Variants in KHDRBS3 observed in about 807,000 individuals in gnomAD.
KHDRBS3 encodes the protein KH RNA binding domain containing, signal transduction associated 3.
In KHDRBS3, 23 loss-of-function variants were observed where a neutral mutation model predicts 45.6. That is an observed-to-expected ratio of 0.50 (90% CI 0.36 to 0.72). KHDRBS3 has a LOEUF of 0.72. Among genes scored for constraint, KHDRBS3 ranks in the 30% least tolerant of loss-of-function variants. The pLI, the probability that KHDRBS3 is intolerant of heterozygous loss-of-function variation, is 0.00. For missense variants in KHDRBS3, 352 were observed against 424.8 expected, an observed-to-expected ratio of 0.83 and a Z score of 1.51; for synonymous variants, 162 against 156.5, an observed-to-expected ratio of 1.04 and a Z score of -0.26.
At chr8:135,542,543 A>G (rs1450672623) in intron 2 of KHDRBS3, 111 bp from the exon 3 acceptor site, 2 of 688,868 alleles carry the variant, frequency 2.9e-6, no homozygotes, top group East Asian at 2.5e-5. Flanking sequence ...GAGCTTAAAT[A>G]TTTGCCATTA....
At chr8:135,527,790 T>C (rs1825268180) in intron 2 of KHDRBS3, among the ~76,000 whole-genome samples, 1 of 152,130 alleles carries the variant, frequency 6.6e-6, no homozygotes, top group Admixed American at 6.6e-5. Context: ...ATACAGAAAA[T>C]CCAGAATCCA....
chr8:135,524,798 A>AT (rs1210640328), intron 2 of KHDRBS3, among the ~76,000 whole-genome samples: 5 of 151,806 alleles, frequency 3.3e-5, no homozygotes, highest in Non-Finnish European at 5.9e-5. Context: ...CCACCAAGTA[A>AT]TTTTTTTATA....
intron 5 of KHDRBS3, among the ~76,000 whole-genome samples, chr8:135,581,285 T>C (rs1033104590): frequency 6.6e-6 from 1 of 152,256 alleles, no homozygotes; most frequent in African/African-American, 2.4e-5. Flanking sequence ...TGAAGTCTTA[T>C]GATTTACATT....
At chr8:135,555,260 T>G (rs1227740727) in intron 4 of KHDRBS3, among the ~76,000 whole-genome samples, 1 of 152,182 alleles carries the variant, frequency 6.6e-6, no homozygotes, top group Non-Finnish European at 1.5e-5. Context: ...TCACTCCTTA[T>G]GTTTTCATCA....
intron 1 of KHDRBS3, among the ~76,000 whole-genome samples, chr8:135,507,327 A>G (rs188116856): frequency 7.9e-5 from 12 of 152,346 alleles, no homozygotes; most frequent in South Asian, 2.1e-4. Context: ...TAGTCAAAGT[A>G]AAGGTCTGTA....
chr8:135,626,101 CAT>C, intron 7 of KHDRBS3: 2 of 505,452 alleles, frequency 4.0e-6, no homozygotes, highest in Non-Finnish European at 7.1e-6. Flanking sequence ...AATAAGGACT[CAT>C]TTAAAAAGGA....
chr8:135,463,998 G>A (rs887537704), intron 1 of KHDRBS3, among the ~76,000 whole-genome samples: 10 of 152,088 alleles, frequency 6.6e-5, no homozygotes, highest in South Asian at 2.1e-4. Flanking sequence ...TATTCCCTGC[G>A]TGCCTCCTTT....
At chr8:135,610,677 G>T (rs1280343242) in intron 7 of KHDRBS3, among the ~76,000 whole-genome samples, 1 of 151,876 alleles carries the variant, frequency 6.6e-6, no homozygotes, top group Non-Finnish European at 1.5e-5. Flanking sequence ...TGGGAATACT[G>T]TGGACATTTA....
chr8:135,469,522 GGTTTTTTTTTTTTTTTTTTTT>G (rs1821888768), intron 1 of KHDRBS3, among the ~76,000 whole-genome samples: 1 of 20,784 alleles, frequency 4.8e-5, no homozygotes. Flanking sequence ...TTTTTGTTTT[GGTTTTTTTTTTTTTTTTTTTT>G]TTTTGAGACG....
intron 5 of KHDRBS3, among the ~76,000 whole-genome samples, chr8:135,580,433 A>G (rs758965226): frequency 3.9e-5 from 6 of 152,210 alleles, no homozygotes; most frequent in Non-Finnish European, 7.3e-5. Context: ...AATAGACATA[A>G]GCCCATTCAG....
intron 4 of KHDRBS3, among the ~76,000 whole-genome samples, chr8:135,653,669 A>T (rs1490143935): frequency 6.6e-6 from 1 of 152,170 alleles, no homozygotes; most frequent in Non-Finnish European, 1.5e-5. Context: ...ATTCAGCCCA[A>T]CCGTATGCTA....
chr8:135,600,112 C>T (rs1829142639), intron 6 of KHDRBS3, among the ~76,000 whole-genome samples: 2 of 152,152 alleles, frequency 1.3e-5, no homozygotes, highest in Non-Finnish European at 2.9e-5. Context: ...GGGTGAGTTG[C>T]TGAGGGCAGA....
At chr8:135,579,535 C>T (rs565994049) in intron 5 of KHDRBS3, among the ~76,000 whole-genome samples, 21 of 152,244 alleles carry the variant, frequency 1.4e-4, no homozygotes, top group Admixed American at 2.6e-4. Context: ...CGGGGTTTCA[C>T]CATGTTGGCC....
chr8:135,521,443 GA>G (rs1824904379), intron 2 of KHDRBS3, 88 bp downstream of exon 2: 2 of 757,090 alleles, frequency 2.6e-6, no homozygotes, highest in Non-Finnish European at 4.4e-6. Context: ...GGTGTTTTTA[GA>G]GATGTTTTCT....
At chr8:135,561,173 A>C (rs991409075) in intron 5 of KHDRBS3, among the ~76,000 whole-genome samples, 1 of 152,106 alleles carries the variant, frequency 6.6e-6, no homozygotes, top group Non-Finnish European at 1.5e-5. Context: ...GTATTCTTCT[A>C]TATCTTTGCT....
chr8:135,574,480 T>C (rs1475472643), intron 5 of KHDRBS3, among the ~76,000 whole-genome samples: 2 of 152,178 alleles, frequency 1.3e-5, no homozygotes, highest in Non-Finnish European at 2.9e-5. Context: ...ACAATGTCAA[T>C]GATCGTGGAA....
At chr8:135,487,138 TTAAC>T (rs1385487870) in intron 1 of KHDRBS3, among the ~76,000 whole-genome samples, 8 of 152,346 alleles carry the variant, frequency 5.3e-5, no homozygotes, top group African/African-American at 1.9e-4. Flanking sequence ...CCATTTGTAT[TTAAC>T]ATTACATGTA....
chr8:135,485,439 A>G (rs1229242288), intron 1 of KHDRBS3, among the ~76,000 whole-genome samples: 2 of 152,268 alleles, frequency 1.3e-5, no homozygotes, highest in Admixed American at 6.5e-5. Context: ...GCCAAGGTTT[A>G]GAGATAAAGT....
At chr8:135,487,160 C>T (rs1822904414) in intron 1 of KHDRBS3, among the ~76,000 whole-genome samples, 1 of 152,158 alleles carries the variant, frequency 6.6e-6, no homozygotes, top group African/African-American at 2.4e-5. Flanking sequence ...GTAACACACG[C>T]TTCTTATGTT....
Sources: gnomAD v4.1 joint callset for allele counts (sites outside exome capture counted in the v4.1 genomes callset) on GRCh38, gnomAD v4.1.1 for gene constraint, MANE v1.5 for transcripts, NCBI Gene and HGNC (gene_info 2026-07-23, HGNC 2026-07-21) for gene names.